The following MICAL3 variants were observed in gnomAD, a reference collection of about 807,000 sequenced individuals.
MICAL3 encodes the protein microtubule associated monooxygenase, calponin and LIM domain containing 3.
In MICAL3, 62 loss-of-function variants were observed where a neutral mutation model predicts 207.4. The observed-to-expected ratio is 0.30, with a 90% CI of 0.24 to 0.37. MICAL3 has a LOEUF of 0.37. Among genes scored for constraint, MICAL3 ranks in the 10% least tolerant of loss-of-function variants. The pLI, the probability that MICAL3 is intolerant of heterozygous loss-of-function variation, is 1.00. For synonymous variants in MICAL3, 1,077 were observed against 1,069.3 expected (o/e 1.01, Z -0.14); for missense variants, 2,368 against 2,635.6 (o/e 0.90, Z 2.22).
chr22:17,891,070 G>A (rs972583139), intron 12 of MICAL3, among the ~76,000 whole-genome samples: 1 of 152,198 alleles, frequency 6.6e-6, no homozygotes, highest in Non-Finnish European at 1.5e-5. Context: ...CCTTGAGCTG[G>A]CCAAATGTTC....
chr22:17,821,700 G>A (rs997250732), intron 24 of MICAL3, among the ~76,000 whole-genome samples, 191 bp from the exon 25 acceptor site: 1 of 152,176 alleles, frequency 6.6e-6, no homozygotes, highest in Non-Finnish European at 1.5e-5. Flanking sequence ...GGGGCTGCCC[G>A]GCACTCTCTG....
intron 1 of MICAL3, among the ~76,000 whole-genome samples, chr22:18,023,391 G>C (rs577102130): frequency 6.6e-6 from 1 of 152,230 alleles, no homozygotes; most frequent in African/African-American, 2.4e-5. Flanking sequence ...ACAGGGCCCA[G>C]CCTTTCAGCC....
Position 17,796,255 on chromosome 22 carries a change from G to A in MICAL3, c.5651-4954C>T, listed in dbSNP as rs374019277. On this transcript the variant is annotated intron_variant, in intron 29 of 31. Coordinates refer to ENST00000441493, the MANE Select transcript of MICAL3 (RefSeq NM_015241.3). The surrounding 1 kb of genome is among the most constrained non-coding windows in gnomAD (Gnocchi z 4.4). The stretch of plus-strand genomic sequence containing the variant: ...CTCTGAAGCAGCACTTCCTTTGGAC[G>A]TGTGACCCAGGGGTGGCTCTTTAGT... Among the ~76,000 whole-genome samples the A allele has an allele frequency of 1.1e-4, 17 of 152,328 alleles. No homozygotes were observed. Among genetic ancestry groups the A allele is most frequent in the Non-Finnish European group, 1.8e-4 (12 of 68,028 alleles).
At chr22:17,872,686 CAGGT>C (rs1927845549) in intron 16 of MICAL3, 1 of 999,868 alleles carries the variant, frequency 1.0e-6, no homozygotes, top group African/African-American at 1.6e-5. Context: ...ACTCAGCACA[CAGGT>C]GTGTTTCCCA....
intron 7 of MICAL3, 81 bp from the exon 8 acceptor site, chr22:17,897,062 A>G: frequency 6.9e-7 from 1 of 1,446,376 alleles, no homozygotes. Flanking sequence ...CCAGGGCCAC[A>G]GCTTCTTCTT....
intron 1 of MICAL3, among the ~76,000 whole-genome samples, chr22:17,915,533 C>A (rs1159664146): frequency 6.6e-6 from 1 of 152,342 alleles, no homozygotes; most frequent in East Asian, 1.9e-4. Flanking sequence ...GCAGAGCCTG[C>A]AGCTAAGGCT....
chr22:17,903,240 C>A (rs969237521), intron 3 of MICAL3, among the ~76,000 whole-genome samples: 10 of 152,218 alleles, frequency 6.6e-5, no homozygotes, highest in Admixed American at 3.9e-4. Flanking sequence ...AGGGAAATCG[C>A]AATCCAACTA....
rs151114112 is a variant in MICAL3 at position 17,788,380 on chromosome 22, G to A, written c.*2352C>T. The A allele has an allele frequency of 6.6e-6, 1 of 152,256 alleles. No individual in the cohort carries two copies. The highest frequency in any genetic ancestry group is 2.4e-5 in the African/African-American group (1 of 41,452). The allele number at this position is 152,256 out of a possible 1,614,324, so 9.4% of individuals were successfully genotyped here. On this transcript the variant is annotated 3_prime_UTR_variant, in exon 32 of 32. Coordinates refer to ENST00000441493, the MANE Select transcript of MICAL3 (RefSeq NM_015241.3). ...CCAGAAGGTGACACTGGGCTCTCCT[G>A]CTACGTCTGGCCACTTACAGCAGAT...
At chr22:17,976,876 G>C (rs1275419374) in intron 1 of MICAL3, among the ~76,000 whole-genome samples, 2 of 149,802 alleles carry the variant, frequency 1.3e-5, no homozygotes, top group Non-Finnish European at 3.0e-5. Context: ...GCGTGATCTC[G>C]GCTCACTGCA....
At chr22:17,894,178 G>A (rs1052199760) in intron 10 of MICAL3, among the ~76,000 whole-genome samples, 6 of 152,072 alleles carry the variant, frequency 3.9e-5, no homozygotes, top group Non-Finnish European at 7.3e-5. Context: ...TGGGGAGGCC[G>A]AGGCCAGCAG....
In MICAL3 at chr22:17,817,405, C is replaced by T. The variant is rs181358925; in HGVS notation, c.5256G>A (p.Lys1752=). 6.2e-7 allele frequency: 1 copy of T among 1,613,394 alleles called. No homozygotes were observed. Among genetic ancestry groups the T allele is most frequent in the East Asian group, 2.2e-5 (1 of 44,860 alleles). The change falls in exon 26 of 32, where the codon AAG becomes AAA. Residue 1752 remains lysine, a synonymous_variant. Transcript: ENST00000441493. ...SVFSGYKKDK[K]KKADDKSCPS... Reference sequence around the variant, plus strand: ...GGCAGGACTTGTCGTCGGCCTTCTTCTTCTTGTCCTTCTTGTACCCGGAGA... The same window carrying T: ...GGCAGGACTTGTCGTCGGCCTTCTTTTTCTTGTCCTTCTTGTACCCGGAGA...
intron 12 of MICAL3, among the ~76,000 whole-genome samples, chr22:17,890,949 C>T (rs1001013753): frequency 2.0e-5 from 3 of 152,190 alleles, no homozygotes; most frequent in Non-Finnish European, 4.4e-5. Flanking sequence ...GGTAGGACAA[C>T]AGAGTATGTC....
Position 17,817,922 on chromosome 22 carries a change from C to T in MICAL3, c.4739G>A (p.Arg1580Lys). The T allele has an allele frequency of 1.2e-6, 2 of 1,612,578 alleles. No homozygotes were observed. Among genetic ancestry groups the T allele is most frequent in the East Asian group, 2.2e-5 (1 of 44,860 alleles). ...TTCCGCGGACACCAAGGGCAGCCCC[C>T]TCTTCTGTGGCTGCAGCGTCCCCTC... is the stretch of plus-strand genomic sequence containing the variant. ...ALEGTLQPQK[R>K]GLPLVSAEAK... The change falls in exon 26 of 32, where the codon AGG becomes AAG. Residue 1580 changes from arginine to lysine, a missense_variant. Physicochemically the swap from Arg to Lys is conservative, Grantham distance 26. Transcript: ENST00000441493.
chr22:17,819,914 G>A (rs1398621893), intron 25 of MICAL3, among the ~76,000 whole-genome samples: 2 of 132,850 alleles, frequency 1.5e-5, no homozygotes, highest in Non-Finnish European at 3.1e-5. Flanking sequence ...CTGCATCCTA[G>A]CCTGGGTGAC....
intron 19 of MICAL3, chr22:17,860,214 A>C: frequency 1.0e-6 from 1 of 983,316 alleles, no homozygotes; most frequent in Non-Finnish European, 1.2e-6. Context: ...TTAAAAAAAA[A>C]ATTAAAAGCA....
intron 1 of MICAL3, among the ~76,000 whole-genome samples, chr22:17,938,270 T>C (rs1440006032): frequency 6.6e-6 from 1 of 152,074 alleles, no homozygotes; most frequent in East Asian, 1.9e-4. Flanking sequence ...TTATTCCACT[T>C]CCCCACAAAG....
At chr22:17,937,677 A>G (rs903682900) in intron 1 of MICAL3, among the ~76,000 whole-genome samples, 3 of 152,232 alleles carry the variant, frequency 2.0e-5, no homozygotes, top group African/African-American at 7.2e-5. Context: ...ATAATAATTA[A>G]CAATAATAAA....
rs558751777 is a variant in MICAL3, at chr22:17,912,728, G to A, written c.-74-5842C>T. Reference sequence around the variant, plus strand: ...TACTAGCCTTGAACAGGTTTTTCTGGTGGAATCTGTAGGATTTTCTACACA... The same window carrying A: ...TACTAGCCTTGAACAGGTTTTTCTGATGGAATCTGTAGGATTTTCTACACA... On this transcript the variant is annotated intron_variant, in intron 1 of 31. Transcript: ENST00000441493. 3.3e-5 allele frequency among the ~76,000 whole-genome samples: 5 copies of A among 152,262 alleles called. No homozygotes were observed. In the South Asian group the frequency reaches 1.0e-3, roughly 32 times the overall value.
chr22:17,816,858 A>G, intron 26 of MICAL3, 74 bp from the exon 27 acceptor site: 1 of 1,121,256 alleles, frequency 8.9e-7, no homozygotes, highest in Non-Finnish European at 1.3e-6. Context: ...CTATGCTCCC[A>G]TGTGCAGCCA....
Sources: allele counts gnomAD v4.1 joint callset (sites outside exome capture counted in the v4.1 genomes callset), GRCh38; gene constraint gnomAD v4.1.1; non-coding constraint Gnocchi (gnomAD v3.1); transcripts MANE v1.5; gene names NCBI Gene and HGNC (gene_info 2026-07-23, HGNC 2026-07-21).